GNA12: variants seen among roughly 807,000 people sequenced by gnomAD.
The protein encoded by GNA12 is G protein subunit alpha 12, also known as guanine nucleotide-binding protein subunit alpha-12.
GNA12 carries 9 observed loss-of-function variants against 26.0 expected under a neutral mutation model. That is an observed-to-expected ratio of 0.35 (90% CI 0.21 to 0.60). The LOEUF is 0.60. GNA12 is among the 20% of genes least tolerant of loss of function. GNA12 has a pLI of 0.78. For synonymous variants in GNA12, 264 were observed against 219.6 expected, an observed-to-expected ratio of 1.20 and a Z score of -1.79; for missense variants, 405 against 525.8, an observed-to-expected ratio of 0.77 and a Z score of 2.25.
At chr7:2,776,998 G>A (rs560891473) in intron 2 of GNA12, among the ~76,000 whole-genome samples, 3 of 152,262 alleles carry the variant, frequency 2.0e-5, no homozygotes, top group East Asian at 3.9e-4. Flanking sequence ...CCTGATGGGG[G>A]TGGGTTGTGC....
intron 1 of GNA12, among the ~76,000 whole-genome samples, chr7:2,821,283 G>A (rs534323161): frequency 1.3e-5 from 2 of 152,296 alleles, no homozygotes; most frequent in African/African-American, 4.8e-5. Context: ...GTTCAACACA[G>A]GGACACGCTG....
At chr7:2,780,143 C>G (rs1792193160) in intron 2 of GNA12, among the ~76,000 whole-genome samples, 1 of 142,406 alleles carries the variant, frequency 7.0e-6, no homozygotes, top group South Asian at 2.3e-4. Context: ...TGCTACTTAC[C>G]TCACTTTTTC....
At chr7:2,841,174 C>T (rs541510989) in intron 1 of GNA12, among the ~76,000 whole-genome samples, 16 of 152,096 alleles carry the variant, frequency 1.1e-4, no homozygotes, top group Middle Eastern at 3.4e-3. Flanking sequence ...TTTTTTGAGA[C>T]GGAGTCTCGC....
intron 2 of GNA12, among the ~76,000 whole-genome samples, chr7:2,741,799 G>C (rs188309523): frequency 6.6e-6 from 1 of 150,950 alleles, no homozygotes; most frequent in Non-Finnish European, 1.5e-5. Flanking sequence ...CTACAACCAC[G>C]GCAACTTCAG....
chr7:2,820,865 T>A (rs554387907), intron 1 of GNA12, among the ~76,000 whole-genome samples: 10 of 152,338 alleles, frequency 6.6e-5, no homozygotes, highest in African/African-American at 2.4e-4. Flanking sequence ...CAGACTCCCA[T>A]GTAGCTGGGA....
rs748726279 is a variant in GNA12 at position 2,731,676 on chromosome 7, A to G, written c.651T>C (p.Val217=). ...CCATCTTAAAGGGGATCTTCTTAAT[A>G]ACGAAGTCATGCTCCACAATTCCCT... ...ATKGIVEHDF[V]IKKIPFKMVD... is the part of the protein sequence containing the mutation. The change falls in exon 4 of 4, where the codon GTT becomes GTC. Residue 217 remains valine, a synonymous_variant. Transcript: ENST00000275364. This position sits in a 1 kb window ranked among gnomAD's most constrained non-coding sequence, Gnocchi z 6.0. 5 of 1,609,322 alleles carry G rather than the reference A, an allele frequency of 3.1e-6. No homozygotes were observed. Among genetic ancestry groups the G allele is most frequent in the East Asian group, 4.5e-5 (2 of 44,816 alleles).
intron 2 of GNA12, among the ~76,000 whole-genome samples, chr7:2,757,814 T>C (rs1791374307): frequency 1.3e-5 from 2 of 152,214 alleles, no homozygotes; most frequent in South Asian, 4.1e-4. Flanking sequence ...TACTGAACGC[T>C]TGCTGAGTCA....
At chr7:2,789,516 C>T (rs1340148229) in intron 2 of GNA12, among the ~76,000 whole-genome samples, 4 of 152,204 alleles carry the variant, frequency 2.6e-5, no homozygotes, top group African/African-American at 9.7e-5. Context: ...TCTGACACCT[C>T]AGTGGTGCCT....
intron 1 of GNA12, among the ~76,000 whole-genome samples, chr7:2,831,530 A>T (rs991246377): frequency 1.3e-5 from 2 of 151,344 alleles, no homozygotes; most frequent in Admixed American, 6.6e-5. Flanking sequence ...CAGCCTCCCG[A>T]GTAGCTGGGA....
chr7:2,777,202 A>C (rs748671212), intron 2 of GNA12, among the ~76,000 whole-genome samples: 8 of 152,208 alleles, frequency 5.3e-5, no homozygotes. Context: ...TGCTCCTTTC[A>C]AACGTGGACG....
chr7:2,764,279 C>T (rs1791710647), intron 2 of GNA12, among the ~76,000 whole-genome samples: 1 of 150,030 alleles, frequency 6.7e-6, no homozygotes, highest in Admixed American at 6.6e-5. Context: ...GATGGGATCT[C>T]ACTATGTTGC....
intron 2 of GNA12, among the ~76,000 whole-genome samples, chr7:2,737,140 T>C (rs755766179): frequency 1.6e-4 from 24 of 152,078 alleles, no homozygotes; most frequent in Admixed American, 1.2e-3. Flanking sequence ...GATGTAAGCG[T>C]CTAAGTAGGG....
At chr7:2,829,523 A>G (rs545147966) in intron 1 of GNA12, among the ~76,000 whole-genome samples, 6 of 152,200 alleles carry the variant, frequency 3.9e-5, no homozygotes, top group South Asian at 2.1e-4. Flanking sequence ...TGAGTTTTCA[A>G]TCTATTACTT....
chr7:2,779,296 C>T (rs1360514278), intron 2 of GNA12, among the ~76,000 whole-genome samples: 1 of 152,226 alleles, frequency 6.6e-6, no homozygotes, highest in East Asian at 1.9e-4. Flanking sequence ...TGCAGTGAAA[C>T]AAGATTGCGC....
chr7:2,779,024 A>C (rs1308560155), intron 2 of GNA12, among the ~76,000 whole-genome samples: 1 of 152,212 alleles, frequency 6.6e-6, no homozygotes, highest in Non-Finnish European at 1.5e-5. Context: ...CGAGGCAAGA[A>C]GACTGCTTCA....
chr7:2,754,095 A>T (rs1275035843), intron 2 of GNA12, among the ~76,000 whole-genome samples: 1 of 151,798 alleles, frequency 6.6e-6, no homozygotes, highest in Non-Finnish European at 1.5e-5. Flanking sequence ...CCAGTGATGA[A>T]TGAGACCCAG....
chr7:2,732,142 T>C (rs1462892414), intron 3 of GNA12, among the ~76,000 whole-genome samples: 1 of 152,264 alleles, frequency 6.6e-6, no homozygotes, highest in African/African-American at 2.4e-5. Flanking sequence ...ATTTAGGTTT[T>C]GAATGTGATG....
intron 2 of GNA12, among the ~76,000 whole-genome samples, chr7:2,737,274 GTTTTTTTTTTTTTTGT>G (rs1359099694): frequency 6.3e-4 from 22 of 35,046 alleles, no homozygotes; most frequent in African/African-American, 8.9e-4. Context: ...GTTTTGTTTT[GTTTTTTTTTTTTTTGT>G]TTTTTTTTTT....
At chr7:2,804,167 A>G (rs1273116077) in intron 1 of GNA12, among the ~76,000 whole-genome samples, 1 of 152,258 alleles carries the variant, frequency 6.6e-6, no homozygotes, top group African/African-American at 2.4e-5. Flanking sequence ...AAGCTTGCAC[A>G]CACTATCAAC....
Sources: gnomAD v4.1 joint callset for allele counts (sites outside exome capture counted in the v4.1 genomes callset) on GRCh38, gnomAD v4.1.1 for gene constraint, Gnocchi (gnomAD v3.1) non-coding constraint, MANE v1.5 for transcripts, NCBI Gene and HGNC (gene_info 2026-07-23, HGNC 2026-07-21) for gene names.